The following ATP10B variants were observed in gnomAD, a reference collection of about 807,000 sequenced individuals.
ATP10B encodes the protein ATPase phospholipid transporting 10B (putative).
Under a neutral mutation model 141.2 loss-of-function variants are expected in ATP10B, and 122 were observed. The ratio of observed to expected loss-of-function variants is 0.86; its 90% CI spans 0.75 to 1.00. The LOEUF (loss-of-function observed/expected upper bound fraction) is 1.00, where lower values mean the gene tolerates loss of function less well. Among genes scored for constraint, ATP10B ranks in the 50% least tolerant of loss-of-function variants. The pLI is 0.00. For synonymous variants in ATP10B, 685 were observed against 692.0 expected, an observed-to-expected ratio of 0.99 and a Z score of 0.16; for missense variants, 1,876 against 1,825.3, an observed-to-expected ratio of 1.03 and a Z score of -0.51.
intron 1 of ATP10B, among the ~76,000 whole-genome samples, chr5:160,812,053 AGAGAGAGGGAGAGG>A (rs1561880128): frequency 8.6e-4 from 120 of 138,748 alleles, no homozygotes; most frequent in African/African-American, 2.8e-3. Flanking sequence ...AGAGAGAGAG[AGAGAGAGGGAGAGG>A]GAGAGAGATT....
chr5:160,797,428 C>T (rs968253576), intron 1 of ATP10B, among the ~76,000 whole-genome samples: 3 of 152,176 alleles, frequency 2.0e-5, no homozygotes, highest in African/African-American at 4.8e-5. Context: ...GTTGCTTCTG[C>T]AGCACTTTTT....
chr5:160,921,157 T>C, the ATP10B span, among the ~76,000 whole-genome samples: 1 of 152,112 alleles, frequency 6.6e-6, no homozygotes, highest in Admixed American at 6.5e-5. Flanking sequence ...TCATTCTTCC[T>C]CTACAGGATC....
intron 1 of ATP10B, among the ~76,000 whole-genome samples, chr5:160,843,545 G>A (rs1775932635): frequency 6.7e-6 from 1 of 150,202 alleles, no homozygotes. Flanking sequence ...CCAATTCAAA[G>A]AGCACTTAAG....
At chr5:160,892,526 T>C in the ATP10B span, among the ~76,000 whole-genome samples, 1 of 152,254 alleles carries the variant, frequency 6.6e-6, no homozygotes, top group Non-Finnish European at 1.5e-5. Flanking sequence ...TTTGTTTACT[T>C]GGCTGTGGTA....
At chr5:160,667,054 T>TA (rs1248241915) in intron 7 of ATP10B, among the ~76,000 whole-genome samples, 1 of 151,818 alleles carries the variant, frequency 6.6e-6, no homozygotes, top group East Asian at 1.9e-4. Flanking sequence ...TCGTCTCTAC[T>TA]AAAAATACAA....
At chr5:160,599,535 A>G (rs190320439) in intron 21 of ATP10B, among the ~76,000 whole-genome samples, 3 of 152,202 alleles carry the variant, frequency 2.0e-5, no homozygotes, top group Non-Finnish European at 4.4e-5. Flanking sequence ...GGCATGCGAA[A>G]TATGAATGGC....
chr5:160,619,734 G>C (rs1019571773), intron 15 of ATP10B, among the ~76,000 whole-genome samples: 1 of 152,156 alleles, frequency 6.6e-6, no homozygotes, highest in Non-Finnish European at 1.5e-5. Context: ...GATATGTAGG[G>C]ACTTTGGAAC....
intron 6 of ATP10B, among the ~76,000 whole-genome samples, chr5:160,673,737 TCAAA>T (rs3075584): frequency 0.64 from 96,704 of 151,432 alleles, 31,607 homozygotes; most frequent in Middle Eastern, 0.77. Flanking sequence ...ATTGTAACAG[TCAAA>T]CACCTCGTGG....
chr5:160,878,800 G>A, the ATP10B span, among the ~76,000 whole-genome samples: 1 of 151,438 alleles, frequency 6.6e-6, no homozygotes, highest in Admixed American at 6.6e-5. Context: ...CATCATCACT[G>A]GCCATCAGAG....
At chr5:160,913,867 G>T in the ATP10B span, among the ~76,000 whole-genome samples, 2 of 152,076 alleles carry the variant, frequency 1.3e-5, no homozygotes, top group African/African-American at 4.8e-5. Context: ...CCTGAAACTC[G>T]GTCCCTTTGG....
intron 3 of ATP10B, among the ~76,000 whole-genome samples, chr5:160,696,085 T>C (rs943331513): frequency 6.6e-6 from 1 of 152,198 alleles, no homozygotes; most frequent in Non-Finnish European, 1.5e-5. Flanking sequence ...TATTTTACTT[T>C]AGGTGAACTC....
the ATP10B span, among the ~76,000 whole-genome samples, chr5:160,859,164 T>C: frequency 6.6e-6 from 1 of 151,932 alleles, no homozygotes; most frequent in African/African-American, 2.4e-5. Flanking sequence ...CCCCCTTTAT[T>C]TTTTTGTTTG....
At chr5:160,893,269 C>T in the ATP10B span, among the ~76,000 whole-genome samples, 3 of 152,304 alleles carry the variant, frequency 2.0e-5, no homozygotes, top group South Asian at 6.2e-4. Flanking sequence ...CCCACCCCTA[C>T]AGAGCCAAAC....
At chr5:160,701,324 CCTCT>C (rs1469710001) in intron 3 of ATP10B, among the ~76,000 whole-genome samples, 1 of 152,260 alleles carries the variant, frequency 6.6e-6, no homozygotes, top group East Asian at 1.9e-4. Flanking sequence ...CTTTTGTTAT[CCTCT>C]CTTTTACATT....
chr5:160,722,623 G>C (rs550745230), intron 2 of ATP10B, among the ~76,000 whole-genome samples: 2 of 152,222 alleles, frequency 1.3e-5, no homozygotes, highest in African/African-American at 4.8e-5. Flanking sequence ...ACCAAATGGA[G>C]CAAATCTGAT....
At chr5:160,783,315 A>G (rs1413323592) in intron 2 of ATP10B, among the ~76,000 whole-genome samples, 1 of 150,982 alleles carries the variant, frequency 6.6e-6, no homozygotes, top group Non-Finnish European at 1.5e-5. Flanking sequence ...AATAGTCTCC[A>G]GTGTCATCCA....
intron 3 of ATP10B, among the ~76,000 whole-genome samples, chr5:160,700,701 A>C (rs539441609): frequency 1.3e-5 from 2 of 152,188 alleles, no homozygotes; most frequent in Non-Finnish European, 2.9e-5. Context: ...CTCTTTTATT[A>C]GATTAATAAT....
At chr5:160,664,215 C>A (rs934371307) in intron 7 of ATP10B, among the ~76,000 whole-genome samples, 1 of 152,182 alleles carries the variant, frequency 6.6e-6, no homozygotes, top group East Asian at 1.9e-4. Flanking sequence ...GAAAGAGGAA[C>A]TTTCTCTGGT....
chr5:160,618,020 G>C (rs1350652156), intron 15 of ATP10B, 47 bp from the exon 16 acceptor site: 2 of 1,446,316 alleles, frequency 1.4e-6, no homozygotes, highest in Non-Finnish European at 9.7e-7. Context: ...CAAATGCTCA[G>C]GGATCCCCAT....
Sources: gnomAD v4.1 joint callset for allele counts (sites outside exome capture counted in the v4.1 genomes callset) on GRCh38, gnomAD v4.1.1 for gene constraint, MANE v1.5 for transcripts, NCBI Gene and HGNC (gene_info 2026-07-23, HGNC 2026-07-21) for gene names.